The following PDHX variants were observed in gnomAD, a reference collection of about 807,000 sequenced individuals.
The protein encoded by PDHX is pyruvate dehydrogenase complex component X.
A neutral mutation model predicts 55.3 loss-of-function variants in PDHX; 33 were observed. That is an observed-to-expected ratio of 0.60 (90% CI 0.45 to 0.80). The LOEUF (loss-of-function observed/expected upper bound fraction) is 0.80. PDHX is among the 30% of genes least tolerant of loss of function. The pLI, the probability that PDHX is intolerant of heterozygous loss-of-function variation, is 0.00. For synonymous variants in PDHX, 226 were observed against 219.4 expected (o/e 1.03, Z -0.27); for missense variants, 622 against 619.9 (o/e 1.00, Z -0.04).
At chr11:34,990,310 C>A (rs925169040) in intron 9 of PDHX, among the ~76,000 whole-genome samples, 11 of 152,246 alleles carry the variant, frequency 7.2e-5, no homozygotes, top group Admixed American at 6.5e-4. Flanking sequence ...CTTCAGGTAA[C>A]ATGTACTTTG....
chr11:34,928,274 G>A (rs1854070069), intron 1 of PDHX, among the ~76,000 whole-genome samples: 1 of 151,968 alleles, frequency 6.6e-6, no homozygotes, highest in South Asian at 2.1e-4. Context: ...CTTTGAAATG[G>A]AACTCTTTGA....
intron 9 of PDHX, among the ~76,000 whole-genome samples, chr11:34,985,887 T>C (rs1855631029): frequency 6.6e-6 from 1 of 152,228 alleles, no homozygotes; most frequent in Non-Finnish European, 1.5e-5. Flanking sequence ...CTGAGTTTAC[T>C]TGGAATTTTA....
At chr11:34,994,466 A>C (rs1014597743) in intron 10 of PDHX, among the ~76,000 whole-genome samples, 2 of 152,206 alleles carry the variant, frequency 1.3e-5, no homozygotes, top group African/African-American at 4.8e-5. Context: ...ACTATACACT[A>C]CTGTAGACTT....
chr11:34,969,926 CT>C (rs1375909753), intron 6 of PDHX, among the ~76,000 whole-genome samples: 4 of 152,106 alleles, frequency 2.6e-5, no homozygotes, highest in African/African-American at 9.7e-5. Flanking sequence ...TTACTTTTTT[CT>C]GTAGTTATAT....
chr11:34,920,576 T>C (rs1394529310), intron 1 of PDHX, among the ~76,000 whole-genome samples: 1 of 152,200 alleles, frequency 6.6e-6, no homozygotes, highest in Non-Finnish European at 1.5e-5. Context: ...TTGTTCTCTC[T>C]TTAAAATTGA....
intron 2 of PDHX, 65 bp from the exon 3 acceptor site, chr11:34,947,441 C>G: frequency 2.0e-6 from 2 of 1,024,642 alleles, no homozygotes; most frequent in South Asian, 1.4e-5. Context: ...TTTATTCATA[C>G]GTACATATAT....
chr11:34,963,877 A>G lies in PDHX; in HGVS notation c.642-2763A>G, dbSNP rs12281172. On this transcript the variant is annotated intron_variant, in intron 5 of 10. Coordinates refer to ENST00000227868, the MANE Select transcript of PDHX (RefSeq NM_003477.3). Reference sequence around the variant, plus strand: ...TTTAGTTTCTTTGCCTGCAGCCCCAATGTCTTTGGTACATCTGTGTCCTAA... The same window carrying G: ...TTTAGTTTCTTTGCCTGCAGCCCCAGTGTCTTTGGTACATCTGTGTCCTAA... Among the ~76,000 whole-genome samples, 919 of 152,344 alleles carry G rather than the reference A, an allele frequency of 6.0e-3. 5 individuals carry two copies. The highest frequency in any genetic ancestry group is 0.021 in the African/African-American group (877 of 41,582).
At position 34,966,687 on chromosome 11, in the gene PDHX, A is replaced by G; in HGVS notation, c.689A>G (p.Glu230Gly). 6.2e-7 allele frequency: 1 copy of G among 1,614,078 alleles called. No homozygotes were observed. The highest frequency in any genetic ancestry group is 1.6e-4 in the Middle Eastern group (1 of 6,062). ...VQLKQTGKIT[E>G]SRPTPAPTAT... The stretch of plus-strand genomic sequence containing the variant: ...TTGAAACAAACGGGCAAGATTACCG[A>G]GTCCAGACCAACTCCAGCCCCCACA... The change falls in exon 6 of 11, where the codon GAG becomes GGG. Residue 230 changes from glutamate (E) to glycine (G), a missense_variant. Coordinates refer to ENST00000227868, the MANE Select transcript of PDHX (RefSeq NM_003477.3).
At chr11:34,983,136 C>A (rs1256464975) in intron 8 of PDHX, among the ~76,000 whole-genome samples, 1 of 152,162 alleles carries the variant, frequency 6.6e-6, no homozygotes. Context: ...AATCAATAAA[C>A]TTAATCCCGC....
intron 2 of PDHX, 117 bp from the exon 3 acceptor site, chr11:34,947,389 A>C: frequency 1.4e-6 from 1 of 716,686 alleles, no homozygotes; most frequent in Non-Finnish European, 2.4e-6. Context: ...GTATTTCCAC[A>C]ACCCAGAAAT....
rs529973035 is a variant in PDHX, at chr11:34,994,462, CACTACTGTAG to C, written c.1248-448_1248-439del. On this transcript the variant is annotated intron_variant, in intron 10 of 10. Coordinates refer to ENST00000227868, the MANE Select transcript of PDHX (RefSeq NM_003477.3). ...AGTGAATGCTTAGGACATCACTATACACTACTGTAGACTTTATAAACACTGCACACTTAGG... is the reference window on the plus strand; with the variant it reads ...AGTGAATGCTTAGGACATCACTATACACTTTATAAACACTGCACACTTAGG... 8.5e-5 allele frequency among the ~76,000 whole-genome samples: 13 copies of C among 152,324 alleles called. No individual in the cohort carries two copies. In the East Asian group the frequency reaches 2.3e-3, roughly 27 times the overall value.
chr11:34,980,352 C>CTTTTTTTTGTTTTTTTTTTTTTTTTTTT (rs1855482073), intron 8 of PDHX, among the ~76,000 whole-genome samples: 1 of 74,822 alleles, frequency 1.3e-5, no homozygotes, highest in Non-Finnish European at 2.6e-5. Context: ...AAGATAGTTT[C>CTTTTTTTTGTTTTTTTTTTTTTTTTTTT]TTTTTTTTTT....
At chr11:34,978,038 C>A in intron 7 of PDHX, 86 bp from the exon 8 acceptor site, 1 of 773,834 alleles carries the variant, frequency 1.3e-6, no homozygotes, top group Non-Finnish European at 2.3e-6. Context: ...TCAGTACATT[C>A]CATAATTTAC....
In PDHX at chr11:34,960,415, C is replaced by G. The variant is rs1439325026; in HGVS notation, c.543-5C>G. The G allele has an allele frequency of 6.2e-7, 1 of 1,602,984 alleles. No individual in the cohort carries two copies. The highest frequency in any genetic ancestry group is 8.5e-7 in the Non-Finnish European group (1 of 1,170,690). On this transcript the variant is annotated splice_polypyrimidine_tract_variant and splice_region_variant and intron_variant, in intron 4 of 10. Transcript: ENST00000227868. Reference sequence around the variant, plus strand: ...GTTCTATTAACCTTCATATTTTTTTCTTAGGTTCCGTTTAAGTCCAGCTGC... The same window carrying G: ...GTTCTATTAACCTTCATATTTTTTTGTTAGGTTCCGTTTAAGTCCAGCTGC...
At chr11:34,938,176 A>G (rs753772828) in intron 2 of PDHX, among the ~76,000 whole-genome samples, 15 of 152,238 alleles carry the variant, frequency 9.9e-5, no homozygotes, top group Non-Finnish European at 1.9e-4. Context: ...GTTAGGTTGC[A>G]TGTAGCACAT....
At chr11:34,945,059 A>G (rs1346852273) in intron 2 of PDHX, among the ~76,000 whole-genome samples, 5 of 152,012 alleles carry the variant, frequency 3.3e-5, no homozygotes, top group African/African-American at 9.7e-5. Context: ...TTTAAATTTT[A>G]AATTAAATTT....
intron 7 of PDHX, among the ~76,000 whole-genome samples, chr11:34,975,223 AT>A (rs910447317): frequency 1.3e-5 from 2 of 150,886 alleles, no homozygotes; most frequent in Non-Finnish European, 1.5e-5. Context: ...GTATGCCTAG[AT>A]TTTTTTTTCT....
At chr11:34,975,077 C>A (rs1286271577) in intron 7 of PDHX, among the ~76,000 whole-genome samples, 1 of 152,056 alleles carries the variant, frequency 6.6e-6, no homozygotes, top group African/African-American at 2.4e-5. Flanking sequence ...TGTTTCAGTT[C>A]TTTAAATAAA....
intron 2 of PDHX, among the ~76,000 whole-genome samples, chr11:34,938,355 T>C (rs898429559): frequency 1.3e-5 from 2 of 152,188 alleles, no homozygotes; most frequent in East Asian, 3.8e-4. Flanking sequence ...AAGAAAGATA[T>C]GTGTAATGTA....
Sources: allele counts gnomAD v4.1 joint callset (sites outside exome capture counted in the v4.1 genomes callset), GRCh38; gene constraint gnomAD v4.1.1; transcripts MANE v1.5; gene names NCBI Gene and HGNC (gene_info 2026-07-23, HGNC 2026-07-21).